Variants in CAMTA1 observed in about 807,000 individuals in gnomAD.
The protein encoded by CAMTA1 is calmodulin binding transcription activator 1.
A neutral mutation model predicts 170.9 loss-of-function variants in CAMTA1; 27 were observed. The observed-to-expected ratio is 0.16, with a 90% CI of 0.12 to 0.22. CAMTA1 has a LOEUF of 0.22. Among genes scored for constraint, CAMTA1 ranks in the 10% least tolerant of loss-of-function variants. The probability of loss-of-function intolerance (pLI) is 1.00; values close to 1 mark genes in which losing one functional copy is unlikely to be tolerated. For synonymous variants in CAMTA1, 833 were observed against 891.5 expected, an observed-to-expected ratio of 0.93 and a Z score of 1.17; for missense variants, 1,619 against 2,217.2, an observed-to-expected ratio of 0.73 and a Z score of 5.42.
chr1:7,515,164 C>T, intron 6 of CAMTA1, among the ~76,000 whole-genome samples: 1 of 151,698 alleles, frequency 6.6e-6, no homozygotes, highest in South Asian at 2.1e-4. Flanking sequence ...CTCCCCGGCT[C>T]CCTCCACCTG....
chr1:7,276,278 C>CATATATATAT lies in CAMTA1; in HGVS notation c.438+26669_438+26678dup, dbSNP rs1210333666. ...AATCTACAGAAAGCCTACACCTGAT[C>CATATATATAT]ATATATATATATATATATATATATA... is the stretch of plus-strand genomic sequence containing the variant. On this transcript the variant is annotated intron_variant, in intron 5 of 22. Coordinates refer to ENST00000303635, the MANE Select transcript of CAMTA1 (RefSeq NM_015215.4). Among the ~76,000 whole-genome samples, 29 of 58,546 alleles carry CATATATATAT rather than the reference C, an allele frequency of 5.0e-4. 4 individuals are homozygous for CATATATATAT. The highest frequency in any genetic ancestry group is 3.0e-3 in the African/African-American group (22 of 7,304). 38.4% of individuals were successfully genotyped at this position (58,546 alleles called of 152,430 possible).
At chr1:7,652,446 C>A (rs2095854075) in intron 7 of CAMTA1, among the ~76,000 whole-genome samples, 1 of 152,160 alleles carries the variant, frequency 6.6e-6, no homozygotes, top group South Asian at 2.1e-4. Context: ...TGACAGCTGA[C>A]CTGACCCCGA....
chr1:7,208,463 T>C (rs528454173), intron 4 of CAMTA1, among the ~76,000 whole-genome samples: 167 of 152,352 alleles, frequency 1.1e-3, no homozygotes, highest in African/African-American at 3.8e-3. Context: ...GAATTTTACC[T>C]GTTTGTCTAC....
At chr1:7,629,960 C>T (rs2095657851) in intron 6 of CAMTA1, among the ~76,000 whole-genome samples, 1 of 152,230 alleles carries the variant, frequency 6.6e-6, no homozygotes, top group South Asian at 2.1e-4. Context: ...CGTCACTGCC[C>T]TGGGATACAT....
At chr1:7,279,912 C>A (rs1360700951) in intron 5 of CAMTA1, among the ~76,000 whole-genome samples, 2 of 152,128 alleles carry the variant, frequency 1.3e-5, no homozygotes, top group Non-Finnish European at 2.9e-5. Flanking sequence ...TATCCAGAGT[C>A]CCCTCCTCTC....
rs1658018241 is a variant in CAMTA1 at position 7,207,741 on chromosome 1, C to T, written c.303-41750C>T. On this transcript the variant is annotated intron_variant, in intron 4 of 22. Coordinates refer to ENST00000303635, the MANE Select transcript of CAMTA1 (RefSeq NM_015215.4). ...CTTCTCCATATGGTGTGGTCTATTC[C>T]AAGCTCCTGGTATCTTGTGGATCCA... Among the ~76,000 whole-genome samples the T allele has an allele frequency of 2.6e-5, 4 of 152,138 alleles. No individual in the cohort carries two copies. In the South Asian group the frequency reaches 8.3e-4, roughly 32 times the overall value.
chr1:7,160,561 T>C (rs772666109), intron 4 of CAMTA1, among the ~76,000 whole-genome samples: 3 of 152,210 alleles, frequency 2.0e-5, no homozygotes, highest in Admixed American at 6.5e-5. Flanking sequence ...ACCTTCTCTC[T>C]TCTCTTTGTG....
At chr1:6,992,847 T>C (rs1696617976) in intron 3 of CAMTA1, among the ~76,000 whole-genome samples, 1 of 152,254 alleles carries the variant, frequency 6.6e-6, no homozygotes, top group African/African-American at 2.4e-5. Context: ...CAATTTGGCA[T>C]GATATTTGGG....
rs953908899 is a variant in CAMTA1 at position 7,635,658 on chromosome 1, C to G, written c.511-4742C>G. On this transcript the variant is annotated intron_variant, in intron 6 of 22. Coordinates refer to ENST00000303635, the MANE Select transcript of CAMTA1 (RefSeq NM_015215.4). The surrounding 1 kb of genome is among the most constrained non-coding windows in gnomAD (Gnocchi z 4.4). ...GGCCCTGGCGGGGTCTGTCCCCTGC[C>G]GTGACTCTCAGATCCAGGCCCAACC... Among the ~76,000 whole-genome samples the G allele has an allele frequency of 2.6e-5, 4 of 151,774 alleles. No homozygotes were observed. The highest frequency in any genetic ancestry group is 3.9e-4 in the East Asian group (2 of 5,160).
At position 7,561,511 on chromosome 1, in the gene CAMTA1, A is replaced by G. The variant is rs545225635; in HGVS notation, c.511-78889A>G. On this transcript the variant is annotated intron_variant, in intron 6 of 22. Transcript: ENST00000303635. The surrounding 1 kb of genome is among the most constrained non-coding windows in gnomAD (Gnocchi z 5.3). ...CTCCTCATCCTCTAGGATGAGCCCA[A>G]GCAGAGGTGAGAGAAAGCCTCTTGC... is the stretch of plus-strand genomic sequence containing the variant. 2.0e-5 allele frequency among the ~76,000 whole-genome samples: 3 copies of G among 151,858 alleles called. No individual in the cohort carries two copies. The highest frequency in any genetic ancestry group is 4.2e-4 in the South Asian group (2 of 4,814).
chr1:7,174,377 CA>C lies in CAMTA1; in HGVS notation c.303-75112del, dbSNP rs559873266. Among the ~76,000 whole-genome samples, 137 of 152,332 alleles carry C rather than the reference CA, an allele frequency of 9.0e-4. No individual in the cohort carries two copies. The Middle Eastern group carries it at 0.014, about 15-fold the overall frequency. On this transcript the variant is annotated intron_variant, in intron 4 of 22. Coordinates refer to ENST00000303635, the MANE Select transcript of CAMTA1 (RefSeq NM_015215.4). ...GGTTTGTTCTCCAAGTAAACAGCCA[CA>C]ATGGAATTGTAATCAAATTTCTTAA...
intron 11 of CAMTA1, among the ~76,000 whole-genome samples, chr1:7,731,567 G>A (rs2096733429): frequency 7.0e-6 from 1 of 142,488 alleles, no homozygotes; most frequent in Admixed American, 7.2e-5. Context: ...ATGACACTCT[G>A]TCTCAAAAAA....
intron 6 of CAMTA1, among the ~76,000 whole-genome samples, chr1:7,569,306 ACATCACCATCAT>A (rs1193634912): frequency 6.8e-6 from 1 of 146,534 alleles, no homozygotes; most frequent in Non-Finnish European, 1.5e-5. Flanking sequence ...ACCATCATCA[ACATCACCATCAT>A]CATCACCACA....
chr1:7,583,882 T>C (rs956323109), intron 6 of CAMTA1, among the ~76,000 whole-genome samples: 2 of 152,092 alleles, frequency 1.3e-5, no homozygotes, highest in African/African-American at 4.8e-5. Flanking sequence ...GGATCAATAG[T>C]CTGAGGTTGG....
chr1:7,260,960 A>G (rs1668075161), intron 5 of CAMTA1, among the ~76,000 whole-genome samples: 1 of 152,238 alleles, frequency 6.6e-6, no homozygotes, highest in African/African-American at 2.4e-5. Flanking sequence ...GTGGCATGTG[A>G]TAAACTGAAC....
At chr1:7,531,314 T>C (rs2094490333) in intron 6 of CAMTA1, among the ~76,000 whole-genome samples, 1 of 152,156 alleles carries the variant, frequency 6.6e-6, no homozygotes, top group Non-Finnish European at 1.5e-5. Flanking sequence ...TTCTTACCTC[T>C]CCATGCCTCA....
chr1:7,439,466 C>T (rs969801306), intron 5 of CAMTA1, among the ~76,000 whole-genome samples: 6 of 152,182 alleles, frequency 3.9e-5, no homozygotes, highest in East Asian at 1.9e-4. Flanking sequence ...TGCCTCACTG[C>T]GACTCTGCCA....
rs1327784818 is a variant in CAMTA1, at chr1:7,398,877, A to G, written c.439-68953A>G. ...CTTAGAGTTATAGTATACTATTTTAAGTTGATAATAACTTATCTTTGGCTA... is the reference window on the plus strand; with the variant it reads ...CTTAGAGTTATAGTATACTATTTTAGGTTGATAATAACTTATCTTTGGCTA... On this transcript the variant is annotated intron_variant, in intron 5 of 22. Coordinates refer to ENST00000303635, the MANE Select transcript of CAMTA1 (RefSeq NM_015215.4). Among the ~76,000 whole-genome samples the G allele has an allele frequency of 2.6e-5, 4 of 152,116 alleles. No individual in the cohort carries two copies. The East Asian group carries it at 7.7e-4, about 29-fold the overall frequency.
intron 5 of CAMTA1, among the ~76,000 whole-genome samples, chr1:7,309,101 T>A (rs1676038819): frequency 6.6e-6 from 1 of 152,192 alleles, no homozygotes; most frequent in South Asian, 2.1e-4. Context: ...TGTCTGATAT[T>A]AATATAGCCA....
Sources: allele counts gnomAD v4.1 joint callset (sites outside exome capture counted in the v4.1 genomes callset), GRCh38; gene constraint gnomAD v4.1.1; non-coding constraint Gnocchi (gnomAD v3.1); transcripts MANE v1.5; gene names NCBI Gene and HGNC (gene_info 2026-07-23, HGNC 2026-07-21).